Variants in MKI67 observed in about 807,000 individuals in gnomAD.
MKI67 encodes proliferation marker protein Ki-67.
MKI67 carries 152 observed loss-of-function variants against 233.5 expected under a neutral mutation model. The observed-to-expected ratio is 0.65, with a 90% CI of 0.57 to 0.74. MKI67 has a LOEUF of 0.74. Ranked by LOEUF, MKI67 falls within the 30% of genes least tolerant of loss-of-function variation. The pLI, the probability that MKI67 is intolerant of heterozygous loss-of-function variation, is 0.00. For missense variants in MKI67, 3,940 were observed against 3,885.2 expected, an observed-to-expected ratio of 1.01 and a Z score of -0.37; for synonymous variants, 1,465 against 1,418.5, an observed-to-expected ratio of 1.03 and a Z score of -0.74.
intron 14 of MKI67, among the ~76,000 whole-genome samples, chr10:128,100,614 C>T (rs1392047885): frequency 2.0e-5 from 3 of 152,120 alleles, no homozygotes; most frequent in African/African-American, 7.2e-5. Context: ...CAAGTATTCC[C>T]CAGAAGAACA....
chr10:128,108,749 T>G lies in MKI67; in HGVS notation c.3091A>C (p.Lys1031Gln). 6.2e-7 allele frequency: 1 copy of G among 1,614,228 alleles called. No homozygotes were observed. Among genetic ancestry groups the G allele is most frequent in the Non-Finnish European group, 8.5e-7 (1 of 1,180,042 alleles). Residue 1031 changes from lysine to glutamine, a missense_variant, in exon 13 of 15, where the codon AAA becomes CAA. Transcript: ENST00000368654. ...AGGAGCTCTTCTTTCACACCTACTT[T>G]CCCCAGGGATGCCTTCAACTGTTGT... ...TKQQLKASLG[K>Q]VGVKEELLAV...
rs752890179 is a variant in MKI67 at position 128,106,125 on chromosome 10, G to A, written c.5715C>T (p.His1905=). 4 of 1,614,082 alleles carry A rather than the reference G, an allele frequency of 2.5e-6. No individual in the cohort carries two copies. The highest frequency in any genetic ancestry group is 3.4e-6 in the Non-Finnish European group (4 of 1,180,024). ...CTTCACCTACTGCTGCTTTAGGCGT[G>A]TGCATGGCTTTGCCTGCTGATGGTG... is the stretch of plus-strand genomic sequence containing the variant. The part of the protein sequence containing the change: ...KLTPSAGKAM[H]TPKAAVGEEK... Residue 1905 remains histidine, a synonymous_variant, in exon 13 of 15, where the codon CAC becomes CAT. Coordinates refer to ENST00000368654, the MANE Select transcript of MKI67 (RefSeq NM_002417.5).
chr10:128,107,200 C>A lies in MKI67; in HGVS notation c.4640G>T (p.Gly1547Val), dbSNP rs747797017. 1 of 1,613,738 alleles carries A rather than the reference C, an allele frequency of 6.2e-7. No individual in the cohort carries two copies. Among genetic ancestry groups the A allele is most frequent in the African/African-American group, 1.3e-5 (1 of 74,768 alleles). The change falls in exon 13 of 15, where the codon GGT becomes GTT. Residue 1547 changes from glycine (G) to valine (V), a missense_variant. Coordinates refer to ENST00000368654, the MANE Select transcript of MKI67 (RefSeq NM_002417.5). The part of the protein sequence containing the change: ...AMHTPKPAVS[G>V]EKNIYAFMGT... ...CATAAATGCGTAGATGTTTTTCTCACCACTTACTGCTGGTTTGGGTGTGTG... is the reference window on the plus strand; with the variant it reads ...CATAAATGCGTAGATGTTTTTCTCAACACTTACTGCTGGTTTGGGTGTGTG...
At position 128,103,974 on chromosome 10, in the gene MKI67, G is replaced by A; in HGVS notation, c.7866C>T (p.Leu2622=). 1.2e-6 allele frequency: 2 copies of A among 1,614,082 alleles called. No homozygotes were observed. Among genetic ancestry groups the A allele is most frequent in the Non-Finnish European group, 1.7e-6 (2 of 1,180,026 alleles). The change falls in exon 13 of 15, where the codon CTC becomes CTT. Residue 2622 remains leucine (L), a synonymous_variant. Coordinates refer to ENST00000368654, the MANE Select transcript of MKI67 (RefSeq NM_002417.5). ...VKEELSAVER[L]TQTSGQSTHT... ...GTGTGCTTTGCCCTGATGTTTGCGTGAGCCTCTCAACTGCTGAGAGCTCCT... is the reference window on the plus strand; with the variant it reads ...GTGTGCTTTGCCCTGATGTTTGCGTAAGCCTCTCAACTGCTGAGAGCTCCT...
At chr10:128,123,696 C>T (rs943447948) in intron 2 of MKI67, among the ~76,000 whole-genome samples, 1 of 152,138 alleles carries the variant, frequency 6.6e-6, no homozygotes, top group South Asian at 2.1e-4. Flanking sequence ...TTGCCTAGCA[C>T]ATAGTAAATG....
chr10:128,099,235 G>A lies in MKI67; in HGVS notation c.9726C>T (p.Val3242=), dbSNP rs377066969. ...TATGACTTCTGGTTCTTATTTTCTT[G>A]ACACACACATTGTCCTCAGCCTGTG... The part of the protein sequence containing the change: ...NPKKAEDNVC[V]KKIRTRSHRD... Residue 3242 remains valine, a synonymous_variant, in exon 15 of 15, where the codon GTC becomes GTT. Coordinates refer to ENST00000368654, the MANE Select transcript of MKI67 (RefSeq NM_002417.5). 5.6e-6 allele frequency: 9 copies of A among 1,612,256 alleles called. No individual in the cohort carries two copies. In the African/African-American group the frequency reaches 1.1e-4, roughly 19 times the overall value.
chr10:128,120,761 A>G (rs1188237158), intron 4 of MKI67, among the ~76,000 whole-genome samples: 3 of 152,148 alleles, frequency 2.0e-5, no homozygotes. Flanking sequence ...CAAAGACACA[A>G]TCTTTTAAAA....
In MKI67 at chr10:128,109,487, G is replaced by A. The variant is rs1025563085; in HGVS notation, c.2417-64C>T. The A allele has an allele frequency of 9.9e-6, 15 of 1,510,548 alleles. No individual in the cohort carries two copies. The African/African-American group carries it at 1.8e-4, about 18-fold the overall frequency. The allele number at this position is 1,510,548 out of a possible 1,614,324, so 93.6% of individuals were successfully genotyped here. A position where few individuals can be genotyped will look rare whatever the true frequency, so the allele number is the denominator to read the frequency against. On this transcript the variant is annotated intron_variant, in intron 12 of 14. Transcript: ENST00000368654. ...TGTCTCATGTCAATCGAGTATTACA[G>A]CCTCATAAAATATGGTAAAAAACTA...
rs142217360 is a variant in MKI67, at chr10:128,113,554, C to A, written c.1529G>T (p.Gly510Val). 9.3e-6 allele frequency: 15 copies of A among 1,614,106 alleles called. No individual in the cohort carries two copies. The African/African-American group carries it at 1.9e-4, about 20-fold the overall frequency. ...ATCAAATAGTTCAGGTCTTAGGTGC[C>A]CACCAAAGGACACACGCCTTCTTTT... ...PLKRRRVSFGGHLRPELFDEN... is the reference protein window; with the variant it reads ...PLKRRRVSFGVHLRPELFDEN... The change falls in exon 8 of 15, where the codon GGG becomes GTG. Residue 510 changes from glycine to valine, a missense_variant. Coordinates refer to ENST00000368654, the MANE Select transcript of MKI67 (RefSeq NM_002417.5).
rs769183126 is a variant in MKI67 at position 128,101,419 on chromosome 10, G to C, written c.9544C>G (p.Leu3182Val). ...CCTTTCCCTTTCTGATTCTGCATGA[G>C]AACCTTCGCACTCTTCTGCCCTCCG... Reference protein sequence around the residue: ...ESGGQKSAKVLMQNQKGKGEA... With the variant: ...ESGGQKSAKVVMQNQKGKGEA... Residue 3182 changes from leucine (L) to valine (V), a missense_variant, in exon 14 of 15, where the codon CTC (leucine) becomes GTC (valine). Coordinates refer to ENST00000368654, the MANE Select transcript of MKI67 (RefSeq NM_002417.5). 1.9e-6 allele frequency: 3 copies of C among 1,614,142 alleles called. No individual in the cohort carries two copies. The East Asian group carries it at 6.7e-5, about 36-fold the overall frequency.
chr10:128,102,545 C>T lies in MKI67; in HGVS notation c.9261+34G>A, dbSNP rs139519671. 9.3e-4 allele frequency: 1,480 copies of T among 1,597,548 alleles called. 9 individuals are homozygous for T. Among genetic ancestry groups the T allele is most frequent in the South Asian group, 6.0e-3 (535 of 89,148 alleles). On this transcript the variant is annotated intron_variant, in intron 13 of 14. Transcript: ENST00000368654. ...CACAGAAATTCACAACTATCCAAGA[C>T]GATATTGAGTGATGCTGTAATACTT...
Position 128,125,415 on chromosome 10 carries a change from CA to C in MKI67, c.92+160del, listed in dbSNP as rs1045452906. Among the ~76,000 whole-genome samples, 1 of 152,048 alleles carries C rather than the reference CA, an allele frequency of 6.6e-6. No homozygotes were observed. Among genetic ancestry groups the C allele is most frequent in the Admixed American group, 6.5e-5 (1 of 15,280 alleles). On this transcript the variant is annotated intron_variant, in intron 2 of 14. Transcript: ENST00000368654. This position sits in a 1 kb window ranked among gnomAD's most constrained non-coding sequence, Gnocchi z 5.3. ...TAGCATCAAATTTATACTTACAAAA[CA>C]AAAAAACACAACTATGTCAACTTAG...
Position 128,112,296 on chromosome 10 carries a change from G to T in MKI67, c.1806C>A (p.Ala602=), listed in dbSNP as rs1165003421. 1 of 1,614,174 alleles carries T rather than the reference G, an allele frequency of 6.2e-7. No individual in the cohort carries two copies. Among genetic ancestry groups the T allele is most frequent in the Non-Finnish European group, 8.5e-7 (1 of 1,180,032 alleles). Residue 602 remains alanine (A), a synonymous_variant, in exon 9 of 15, where the codon GCC becomes GCA. Transcript: ENST00000368654. ...TCTGAGATTTGCTGCTGGAAGCAGGGGCTGTTTTGCAGGACCTACGGCGTT... is the reference window on the plus strand; with the variant it reads ...TCTGAGATTTGCTGCTGGAAGCAGGTGCTGTTTTGCAGGACCTACGGCGTT... The part of the protein sequence containing the change: ...SDQRRRSCKT[A]PASSSKSQTE...
In MKI67 at chr10:128,115,123, C is replaced by T. The variant is rs573230158; in HGVS notation, c.1285G>A (p.Asp429Asn). The T allele has an allele frequency of 3.8e-5, 61 of 1,614,094 alleles. No homozygotes were observed. Among genetic ancestry groups the T allele is most frequent in the Non-Finnish European group, 4.9e-5 (58 of 1,180,040 alleles). Residue 429 changes from aspartate to asparagine, a missense_variant, in exon 7 of 15, where the codon GAT becomes AAT. Physicochemically the swap from Asp to Asn is conservative, Grantham distance 23. Coordinates refer to ENST00000368654, the MANE Select transcript of MKI67 (RefSeq NM_002417.5). ...GTTTCCGTAGGCAGAACTTCCACAT[C>T]TGTAGGAATACTTCCTCTGGTTTTG... ...SSKTRGSIPT[D>N]VEVLPTETEI...
In MKI67 at chr10:128,125,539, C is replaced by T; in HGVS notation, c.92+37G>A. 1 of 1,550,474 alleles carries T rather than the reference C, an allele frequency of 6.4e-7. No individual in the cohort carries two copies. ...CTGTGACTAAGGTATTTTCCTCTTTCTCAGCTAAAACGTCCGCGCGCGCCC... is the reference window on the plus strand; with the variant it reads ...CTGTGACTAAGGTATTTTCCTCTTTTTCAGCTAAAACGTCCGCGCGCGCCC... On this transcript the variant is annotated intron_variant, in intron 2 of 14. Transcript: ENST00000368654. This position sits in a 1 kb window ranked among gnomAD's most constrained non-coding sequence, Gnocchi z 5.3.
chr10:128,123,605 G>C (rs1852995678), intron 2 of MKI67, among the ~76,000 whole-genome samples: 1 of 152,162 alleles, frequency 6.6e-6, no homozygotes, highest in African/African-American at 2.4e-5. Context: ...CTGTGCATCA[G>C]TTTCTTCATA....
rs1001708431 is a variant in MKI67 at position 128,104,371 on chromosome 10, T to C, written c.7469A>G (p.Asp2490Gly). 1.2e-6 allele frequency: 2 copies of C among 1,614,182 alleles called. No homozygotes were observed. The highest frequency in any genetic ancestry group is 1.7e-6 in the Non-Finnish European group (2 of 1,180,038). ...QRLKIPLVKV[D>G]MKEEPLAVSK... is the part of the protein sequence containing the mutation. ...GACTGCTAGGGGCTCTTCTTTCATG[T>C]CCACTTTCACCAGGGGTATCTTGAG... The change falls in exon 13 of 15, where the codon GAC becomes GGC. Residue 2490 changes from aspartate (D) to glycine (G), a missense_variant. Coordinates refer to ENST00000368654, the MANE Select transcript of MKI67 (RefSeq NM_002417.5).
In MKI67 at chr10:128,125,409, A is replaced by G. The variant is rs147262254; in HGVS notation, c.92+167T>C. Among the ~76,000 whole-genome samples, 851 of 152,336 alleles carry G rather than the reference A, an allele frequency of 5.6e-3. 7 individuals are homozygous for G. Among genetic ancestry groups the G allele is most frequent in the Admixed American group, 0.011 (164 of 15,306 alleles). On this transcript the variant is annotated intron_variant, in intron 2 of 14. Coordinates refer to ENST00000368654, the MANE Select transcript of MKI67 (RefSeq NM_002417.5). This position sits in a 1 kb window ranked among gnomAD's most constrained non-coding sequence, Gnocchi z 5.3. Reference sequence around the variant, plus strand: ...ACAAACTAGCATCAAATTTATACTTACAAAACAAAAAAACACAACTATGTC... The same window carrying G: ...ACAAACTAGCATCAAATTTATACTTGCAAAACAAAAAAACACAACTATGTC...
At position 128,103,293 on chromosome 10, in the gene MKI67, T is replaced by C; in HGVS notation, c.8547A>G (p.Val2849=). 6.2e-7 allele frequency: 1 copy of C among 1,614,214 alleles called. No homozygotes were observed. The change falls in exon 13 of 15, where the codon GTA becomes GTG. Residue 2849 remains valine, a synonymous_variant. Transcript: ENST00000368654. ...KRRPRTRAQK[V]EVKEELLAVG... ...CTGCTAACAGCTCCTCCTTCACTTC[T>C]ACTTTCTGGGCACGTGTCCTGGGCC...
Sources: allele counts gnomAD v4.1 joint callset (sites outside exome capture counted in the v4.1 genomes callset), GRCh38; gene constraint gnomAD v4.1.1; non-coding constraint Gnocchi (gnomAD v3.1); transcripts MANE v1.5; gene names NCBI Gene and HGNC (gene_info 2026-07-23, HGNC 2026-07-21).